Variants in ARHGAP18 observed in about 807,000 individuals in gnomAD.
ARHGAP18 encodes rho GTPase-activating protein 18.
Under a neutral mutation model 86.2 loss-of-function variants are expected in ARHGAP18, and 67 were observed. The ratio of observed to expected loss-of-function variants is 0.78; its 90% CI spans 0.64 to 0.95. The LOEUF is 0.95. Among genes scored for constraint, ARHGAP18 ranks in the 40% least tolerant of loss-of-function variants. ARHGAP18 has a pLI of 0.00. For missense variants in ARHGAP18, 691 were observed against 780.4 expected (o/e 0.89, Z 1.37); for synonymous variants, 283 against 280.4 (o/e 1.01, Z -0.09).
intron 1 of ARHGAP18, among the ~76,000 whole-genome samples, chr6:129,696,534 C>T (rs954852448): frequency 5.3e-5 from 8 of 152,074 alleles, no homozygotes; most frequent in Non-Finnish European, 5.9e-5. Flanking sequence ...CAATAAATAC[C>T]CAATCCTTCG....
At chr6:129,709,310 T>C (rs1483824409) in intron 1 of ARHGAP18, among the ~76,000 whole-genome samples, 1 of 151,342 alleles carries the variant, frequency 6.6e-6, no homozygotes, top group African/African-American at 2.4e-5. Context: ...CCTTGGAAAA[T>C]GGAACAAAGT....
At chr6:129,647,389 A>G (rs1773602554) in intron 1 of ARHGAP18, among the ~76,000 whole-genome samples, 1 of 152,150 alleles carries the variant, frequency 6.6e-6, no homozygotes, top group South Asian at 2.1e-4. Flanking sequence ...TACCCTGTTT[A>G]AAGTCCTATC....
intron 1 of ARHGAP18, among the ~76,000 whole-genome samples, chr6:129,668,387 CACACACACACACAG>C (rs1369145862): frequency 2.1e-4 from 32 of 151,206 alleles, no homozygotes; most frequent in East Asian, 1.4e-3. Context: ...CACACACACA[CACACACACACACAG>C]ACACACACAC....
intron 4 of ARHGAP18, 48 bp from the exon 5 acceptor site, chr6:129,629,570 T>G (rs1174081209): frequency 1.3e-6 from 2 of 1,556,138 alleles, no homozygotes; most frequent in Non-Finnish European, 1.7e-6. Context: ...TTATTTATTT[T>G]TTAAAAAAAA....
In ARHGAP18 at chr6:129,641,930, C is replaced by A. The variant is rs367817344; in HGVS notation, c.202G>T (p.Asp68Tyr). Reference sequence around the variant, plus strand: ...TCCATAGATAGTTCATCCAAAGAATCCTGGGAAATTGATCGATCAAATGGA... The same window carrying A: ...TCCATAGATAGTTCATCCAAAGAATACTGGGAAATTGATCGATCAAATGGA... The part of the protein sequence containing the change: ...KPPFDRSISQ[D>Y]SLDELSMEDY... Residue 68 changes from aspartate (D) to tyrosine (Y), a missense_variant, in exon 2 of 15, where the codon GAT becomes TAT. Asp to Tyr is a radical substitution (Grantham distance 160). Transcript: ENST00000368149. The A allele has an allele frequency of 1.4e-5, 22 of 1,613,808 alleles. No homozygotes were observed. Among genetic ancestry groups the A allele is most frequent in the Non-Finnish European group, 1.9e-5 (22 of 1,179,924 alleles).
chr6:129,637,899 CA>C (rs1172054558), intron 3 of ARHGAP18, among the ~76,000 whole-genome samples: 2 of 152,132 alleles, frequency 1.3e-5, no homozygotes, highest in African/African-American at 4.8e-5. Context: ...CTTTTAACAC[CA>C]CAAAGGAGAA....
chr6:129,675,236 AC>A (rs1390560737), intron 1 of ARHGAP18, among the ~76,000 whole-genome samples: 1 of 152,066 alleles, frequency 6.6e-6, no homozygotes, highest in East Asian at 1.9e-4. Flanking sequence ...CAGGTGGCTA[AC>A]CCCCTCACCT....
At chr6:129,677,913 A>G (rs1202312663) in intron 1 of ARHGAP18, among the ~76,000 whole-genome samples, 1 of 152,230 alleles carries the variant, frequency 6.6e-6, no homozygotes, top group Admixed American at 6.5e-5. Flanking sequence ...CAGCAATAAT[A>G]TTACCACCAA....
chr6:129,707,126 T>C (rs371539707), intron 1 of ARHGAP18, among the ~76,000 whole-genome samples: 1 of 151,022 alleles, frequency 6.6e-6, no homozygotes, highest in Middle Eastern at 3.4e-3. Context: ...CCAGCTACTA[T>C]AGAGGCTGAG....
rs577070164 is a variant in ARHGAP18, at chr6:129,608,064, G to GAAAAAAAAAAAAAA, written c.1123-26_1123-13dup. The GAAAAAAAAAAAAAA allele has an allele frequency of 2.0e-6, 2 of 985,052 alleles. No homozygotes were observed. Among genetic ancestry groups the GAAAAAAAAAAAAAA allele is most frequent in the Non-Finnish European group, 2.5e-6 (2 of 807,014 alleles). 61.0% of individuals were successfully genotyped at this position (985,052 alleles called of 1,614,324 possible). On this transcript the variant is annotated splice_polypyrimidine_tract_variant and intron_variant, in intron 8 of 14. Transcript: ENST00000368149. ...TCTTGGCAAAGATTCTGATAGGCAC[G>GAAAAAAAAAAAAAA]AAAAAAAAAAAAAAAAAAAAAAGAA...
chr6:129,679,754 A>T (rs1350803869), intron 1 of ARHGAP18, among the ~76,000 whole-genome samples: 1 of 152,216 alleles, frequency 6.6e-6, no homozygotes, highest in African/African-American at 2.4e-5. Flanking sequence ...TCCCTCCTGC[A>T]TTGGTTTCAT....
chr6:129,625,404 TTATATATTATATATAA>T lies in ARHGAP18; in HGVS notation c.786+3933_786+3948del, dbSNP rs1198599557. On this transcript the variant is annotated intron_variant, in intron 5 of 14. Coordinates refer to ENST00000368149, the MANE Select transcript of ARHGAP18 (RefSeq NM_033515.3). ...TATATTATATATTTATACATATGTA[TTATATATTATATATAA>T]TATATATTATATATAATATATATTT... is the stretch of plus-strand genomic sequence containing the variant. Among the ~76,000 whole-genome samples, 12 of 47,518 alleles carry T rather than the reference TTATATATTATATATAA, an allele frequency of 2.5e-4. 2 individuals carry two copies. The highest frequency in any genetic ancestry group is 9.0e-4 in the African/African-American group (8 of 8,886). 31.2% of individuals were successfully genotyped at this position (47,518 alleles called of 152,430 possible). A position where few individuals can be genotyped will look rare whatever the true frequency, so the allele number is the denominator to read the frequency against.
intron 4 of ARHGAP18, among the ~76,000 whole-genome samples, chr6:129,631,585 T>G (rs540602039): frequency 7.2e-5 from 11 of 152,282 alleles, no homozygotes; most frequent in African/African-American, 2.6e-4. Context: ...TTTTGGCTCT[T>G]AAGGTCCTAA....
In ARHGAP18 at chr6:129,639,861, A is replaced by G. The variant is rs1160575459; in HGVS notation, c.317-1232T>C. ...GGAGTTCGAGACCAGCCTGGCCAAC[A>G]TGGTGAAACCCCCTCTCTACAAAAA... is the stretch of plus-strand genomic sequence containing the variant. On this transcript the variant is annotated intron_variant, in intron 2 of 14. Coordinates refer to ENST00000368149, the MANE Select transcript of ARHGAP18 (RefSeq NM_033515.3). Among the ~76,000 whole-genome samples, 6 of 152,138 alleles carry G rather than the reference A, an allele frequency of 3.9e-5. No homozygotes were observed. In the East Asian group the frequency reaches 1.2e-3, roughly 29 times the overall value.
chr6:129,649,877 G>A (rs1351848100), intron 1 of ARHGAP18, among the ~76,000 whole-genome samples: 3 of 149,444 alleles, frequency 2.0e-5, no homozygotes, highest in Non-Finnish European at 4.4e-5. Flanking sequence ...GTTATTTATC[G>A]TTGCGGCTTT....
At chr6:129,609,201 A>G (rs1275999914) in intron 8 of ARHGAP18, among the ~76,000 whole-genome samples, 1 of 151,804 alleles carries the variant, frequency 6.6e-6, no homozygotes, top group Non-Finnish European at 1.5e-5. Flanking sequence ...GGGAGAGAGA[A>G]TAGTACAGAG....
intron 7 of ARHGAP18, among the ~76,000 whole-genome samples, chr6:129,613,204 G>C (rs1001105717): frequency 6.9e-5 from 10 of 144,358 alleles, no homozygotes; most frequent in African/African-American, 2.6e-4. Flanking sequence ...GTGCACTCCA[G>C]CCTGGGCGAC....
intron 1 of ARHGAP18, chr6:129,661,712 C>A (rs1016382929): frequency 1.1e-4 from 24 of 216,050 alleles, no homozygotes; most frequent in Admixed American, 5.2e-4. Flanking sequence ...TTTCTATGAA[C>A]CAAATTGGCA....
chr6:129,637,522 G>A (rs1437742625), intron 3 of ARHGAP18, among the ~76,000 whole-genome samples: 2 of 152,176 alleles, frequency 1.3e-5, no homozygotes, highest in African/African-American at 4.8e-5. Context: ...ACCTAAAGCT[G>A]CCTCCTTACA....
Sources: allele counts gnomAD v4.1 joint callset (sites outside exome capture counted in the v4.1 genomes callset), GRCh38; gene constraint gnomAD v4.1.1; transcripts MANE v1.5; gene names NCBI Gene and HGNC (gene_info 2026-07-23, HGNC 2026-07-21).